The following SLC35F1 variants were observed in gnomAD, a reference collection of about 807,000 sequenced individuals.
SLC35F1 encodes the protein chromosome 6 open reading frame 169.
In SLC35F1, 14 loss-of-function variants were observed where a neutral mutation model predicts 48.7. The observed-to-expected ratio is 0.29, with a 90% CI of 0.19 to 0.45. The LOEUF (loss-of-function observed/expected upper bound fraction) is 0.45. Among genes scored for constraint, SLC35F1 ranks in the 20% least tolerant of loss-of-function variants. The pLI is 1.00. For synonymous variants in SLC35F1, 190 were observed against 202.2 expected (o/e 0.94, Z 0.51); for missense variants, 404 against 500.0 (o/e 0.81, Z 1.83).
chr6:118,093,481 T>C (rs992779092), intron 1 of SLC35F1, among the ~76,000 whole-genome samples: 2 of 152,222 alleles, frequency 1.3e-5, no homozygotes, highest in East Asian at 3.9e-4. Flanking sequence ...GGGGGCAGGT[T>C]ATTCCCATGC....
intron 2 of SLC35F1, among the ~76,000 whole-genome samples, chr6:118,215,305 T>A (rs1775057187): frequency 6.6e-6 from 1 of 152,202 alleles, no homozygotes; most frequent in African/African-American, 2.4e-5. Context: ...CCTTGAGGTC[T>A]TATTTCTCAA....
chr6:118,094,794 C>G (rs1020875607), intron 1 of SLC35F1, among the ~76,000 whole-genome samples: 5 of 151,936 alleles, frequency 3.3e-5, no homozygotes, highest in African/African-American at 4.8e-5. Context: ...ATGGTGAAAC[C>G]CTGTCTCTAC....
At chr6:118,146,874 A>G (rs1297774323) in intron 1 of SLC35F1, among the ~76,000 whole-genome samples, 1 of 152,228 alleles carries the variant, frequency 6.6e-6, no homozygotes, top group Non-Finnish European at 1.5e-5. Flanking sequence ...CATAAAAGGA[A>G]TAGATTTTAG....
chr6:118,268,600 A>ATATATT (rs1562345482), intron 4 of SLC35F1, among the ~76,000 whole-genome samples: 2 of 87,888 alleles, frequency 2.3e-5, no homozygotes, highest in East Asian at 3.3e-4. Context: ...ATATATATAT[A>ATATATT]TTTTTTTTTT....
chr6:118,006,669 T>C (rs1777178171), intron 1 of SLC35F1, among the ~76,000 whole-genome samples: 1 of 152,136 alleles, frequency 6.6e-6, no homozygotes, highest in South Asian at 2.1e-4. Context: ...ATTCCAGGCA[T>C]GCTTTTAGAT....
chr6:118,029,488 A>G (rs796351759), intron 1 of SLC35F1, among the ~76,000 whole-genome samples: 58 of 152,318 alleles, frequency 3.8e-4, no homozygotes, highest in African/African-American at 1.4e-3. Context: ...TGATTTATAA[A>G]TTAAACTTTA....
chr6:118,293,394 C>T (rs552183998), intron 7 of SLC35F1, among the ~76,000 whole-genome samples: 1 of 152,110 alleles, frequency 6.6e-6, no homozygotes, highest in African/African-American at 2.4e-5. Context: ...TCTTCAAAGC[C>T]AGCAGAATGG....
chr6:118,067,749 A>G (rs933327073), intron 1 of SLC35F1, among the ~76,000 whole-genome samples: 1 of 152,172 alleles, frequency 6.6e-6, no homozygotes, highest in Non-Finnish European at 1.5e-5. Context: ...GACAATGAGA[A>G]AGCAGAGGCA....
chr6:118,126,299 G>A lies in SLC35F1; in HGVS notation c.174-28146G>A, dbSNP rs142323589. On this transcript the variant is annotated intron_variant, in intron 1 of 7. Transcript: ENST00000360388. The stretch of plus-strand genomic sequence containing the variant: ...ATAGATCAGATAGTTGTAGATATGC[G>A]GCGTTATTTCTGAGGGCTCTGTTCT... Among the ~76,000 whole-genome samples the A allele has an allele frequency of 1.5e-3, 222 of 152,198 alleles. 1 individual carries two copies. Among genetic ancestry groups the A allele is most frequent in the African/African-American group, 2.7e-3 (114 of 41,520 alleles).
chr6:118,004,041 C>G (rs776272728), intron 1 of SLC35F1, among the ~76,000 whole-genome samples: 19 of 152,124 alleles, frequency 1.2e-4, no homozygotes, highest in Non-Finnish European at 2.5e-4. Flanking sequence ...AAGTAACTTA[C>G]CAATGTAAGT....
intron 1 of SLC35F1, among the ~76,000 whole-genome samples, chr6:117,992,774 A>G (rs1776935717): frequency 6.6e-6 from 1 of 152,220 alleles, no homozygotes; most frequent in African/African-American, 2.4e-5. Flanking sequence ...GAGAAATTCA[A>G]TTCCTTATTT....
intron 2 of SLC35F1, among the ~76,000 whole-genome samples, chr6:118,199,014 G>A (rs1774838487): frequency 6.6e-6 from 1 of 152,178 alleles, no homozygotes; most frequent in Non-Finnish European, 1.5e-5. Flanking sequence ...GGGAAAAGCT[G>A]CCCAGGGCAG....
chr6:118,139,688 G>C (rs1039868729), intron 1 of SLC35F1, among the ~76,000 whole-genome samples: 2 of 152,212 alleles, frequency 1.3e-5, no homozygotes, highest in African/African-American at 4.8e-5. Flanking sequence ...GGTGGGGATA[G>C]CAAGTGTCTT....
Position 118,215,726 on chromosome 6 carries a change from A to G in SLC35F1, c.350-19783A>G, listed in dbSNP as rs142302028. ...GAATTTTTCTAACTTTGCAGCTTGT[A>G]GTTGATGACTCTGTTAGTGGAAGGA... On this transcript the variant is annotated intron_variant, in intron 2 of 7. Coordinates refer to ENST00000360388, the MANE Select transcript of SLC35F1 (RefSeq NM_001029858.4). Among the ~76,000 whole-genome samples, 193 of 152,312 alleles carry G rather than the reference A, an allele frequency of 1.3e-3. 1 individual carries two copies. The highest frequency in any genetic ancestry group is 3.4e-3 in the Middle Eastern group (1 of 294).
At chr6:118,081,454 G>A (rs1264128161) in intron 1 of SLC35F1, among the ~76,000 whole-genome samples, 3 of 151,678 alleles carry the variant, frequency 2.0e-5, no homozygotes, top group African/African-American at 7.3e-5. Context: ...AACATGGTGA[G>A]ACTCCATTGC....
intron 1 of SLC35F1, among the ~76,000 whole-genome samples, chr6:117,993,233 C>T (rs1265986296): frequency 6.6e-6 from 1 of 152,166 alleles, no homozygotes; most frequent in African/African-American, 2.4e-5. Context: ...TGAACAGCAG[C>T]ATCCTTCTTT....
intron 1 of SLC35F1, among the ~76,000 whole-genome samples, chr6:117,987,434 C>T (rs1482909798): frequency 2.0e-5 from 3 of 151,206 alleles, no homozygotes; most frequent in Non-Finnish European, 2.9e-5. Flanking sequence ...TTTCCTTCTC[C>T]GTCTCCTCCT....
intron 3 of SLC35F1, among the ~76,000 whole-genome samples, chr6:118,257,656 C>A (rs969928868): frequency 2.0e-4 from 31 of 152,090 alleles, no homozygotes; most frequent in Non-Finnish European, 4.6e-4. Flanking sequence ...TGATTGGGAC[C>A]ACAGCATCCA....
At chr6:118,225,922 T>C (rs1240804419) in intron 2 of SLC35F1, among the ~76,000 whole-genome samples, 1 of 143,122 alleles carries the variant, frequency 7.0e-6, no homozygotes, top group Non-Finnish European at 1.5e-5. Context: ...ATTAACAAAG[T>C]GAAGAGACAA....
Sources: gnomAD v4.1 joint callset for allele counts (sites outside exome capture counted in the v4.1 genomes callset) on GRCh38, gnomAD v4.1.1 for gene constraint, MANE v1.5 for transcripts, NCBI Gene and HGNC (gene_info 2026-07-23, HGNC 2026-07-21) for gene names.